The following DCBLD2 variants were observed in gnomAD, a reference collection of about 807,000 sequenced individuals.
The protein encoded by DCBLD2 is discoidin, CUB and LCCL domain-containing protein 2.
DCBLD2 carries 54 observed loss-of-function variants against 86.8 expected under a neutral mutation model. The observed-to-expected ratio is 0.62, with a 90% CI of 0.50 to 0.78. The LOEUF (loss-of-function observed/expected upper bound fraction) is 0.78, where lower values mean the gene tolerates loss of function less well. Ranked by LOEUF, DCBLD2 falls within the 30% of genes least tolerant of loss-of-function variation. The pLI, the probability that DCBLD2 is intolerant of heterozygous loss-of-function variation, is 0.00. For missense variants in DCBLD2, 908 were observed against 954.2 expected (o/e 0.95, Z 0.64); for synonymous variants, 354 against 341.3 (o/e 1.04, Z -0.41).
intron 5 of DCBLD2, 142 bp from the exon 6 acceptor site, chr3:98,822,503 AAC>A (rs1451690563): frequency 2.3e-6 from 3 of 1,288,252 alleles, no homozygotes; most frequent in Non-Finnish European, 3.2e-6. Context: ...TTGGTACTGT[AAC>A]ACAACAGTTT....
chr3:98,801,703 T>G lies in DCBLD2; in HGVS notation c.1671-54A>C, dbSNP rs566810194. On this transcript the variant is annotated intron_variant, in intron 13 of 15. Transcript: ENST00000326840. ...AACAGAGTAAATTCACTGGTAAGCC[T>G]GCTCCCCCTACCCCATGACAGGCCT... 42 of 1,387,050 alleles carry G rather than the reference T, an allele frequency of 3.0e-5. 1 individual carries two copies. In the African/African-American group the frequency reaches 4.7e-4, roughly 16 times the overall value. The allele number at this position is 1,387,050 out of a possible 1,614,324, so 85.9% of individuals were successfully genotyped here. A position where few individuals can be genotyped will look rare whatever the true frequency, so the allele number is the denominator to read the frequency against.
At chr3:98,844,272 C>T (rs562499435) in intron 3 of DCBLD2, among the ~76,000 whole-genome samples, 6 of 151,870 alleles carry the variant, frequency 4.0e-5, no homozygotes, top group Admixed American at 1.3e-4. Flanking sequence ...CTATAAAATT[C>T]ATTTTATTTT....
At chr3:98,892,791 C>G (rs1447722542) in intron 1 of DCBLD2, among the ~76,000 whole-genome samples, 2 of 152,076 alleles carry the variant, frequency 1.3e-5, no homozygotes, top group East Asian at 3.9e-4. Context: ...AAAGAATGTC[C>G]ACCTCACATC....
chr3:98,844,343 T>TTTATTATTATTATTATTATTA (rs10530611), intron 3 of DCBLD2, among the ~76,000 whole-genome samples: 1,652 of 145,892 alleles, frequency 0.011, 21 homozygotes, highest in African/African-American at 0.028. Context: ...GTCAGTAGCA[T>TTTATTATTATTATTATTATTA]TTATTATTAT....
chr3:98,849,474 A>G lies in DCBLD2; in HGVS notation c.558T>C (p.Val186=), dbSNP rs1003818686. 5 of 1,613,872 alleles carry G rather than the reference A, an allele frequency of 3.1e-6. No homozygotes were observed. Among genetic ancestry groups the G allele is most frequent in the African/African-American group, 1.3e-5 (1 of 74,932 alleles). Residue 186 remains valine (V), a synonymous_variant, in exon 3 of 16, where the codon GTT becomes GTC. Transcript: ENST00000326840. ...SGRGFLASYS[V]IDKQDLITCL... is the part of the protein sequence containing the mutation. ...GGTGAAAATTACCTTGTTTATCTAT[A>G]ACAGAGTATGAGGCCAAAAATCCGC...
chr3:98,817,330 G>A (rs1942040403), intron 9 of DCBLD2, among the ~76,000 whole-genome samples: 1 of 152,148 alleles, frequency 6.6e-6, no homozygotes, highest in South Asian at 2.1e-4. Context: ...ATCTTCAGAT[G>A]AATTTTCATC....
intron 3 of DCBLD2, among the ~76,000 whole-genome samples, chr3:98,846,682 CAA>C (rs35421717): frequency 0.061 from 9,308 of 152,106 alleles, 350 homozygotes; most frequent in Non-Finnish European, 0.071. Context: ...GTGGTTGTTT[CAA>C]AAATCTTTGG....
chr3:98,814,321 C>G (rs1941986763), intron 9 of DCBLD2: 1 of 152,172 alleles, frequency 6.6e-6, no homozygotes, highest in African/African-American at 2.4e-5. Context: ...ATTAGTGGAA[C>G]AGGGACGATA....
At chr3:98,886,800 ACCC>A (rs56817910) in intron 1 of DCBLD2, among the ~76,000 whole-genome samples, 8 of 123,712 alleles carry the variant, frequency 6.5e-5, no homozygotes, top group African/African-American at 1.1e-4. Flanking sequence ...TTACAGGAAA[ACCC>A]CCCCCCTTTT....
At chr3:98,890,691 C>A (rs1186447306) in intron 1 of DCBLD2, among the ~76,000 whole-genome samples, 1 of 152,044 alleles carries the variant, frequency 6.6e-6, no homozygotes, top group Non-Finnish European at 1.5e-5. Flanking sequence ...TCTCCCCTCC[C>A]TCCTTCTTAA....
At position 98,801,603 on chromosome 3, in the gene DCBLD2, C is replaced by A; in HGVS notation, c.1717G>T (p.Ala573Ser). Residue 573 changes from alanine (A) to serine (S), a missense_variant, in exon 14 of 16, where the codon GCA becomes TCA. Physicochemically the swap from Ala to Ser is moderately conservative, Grantham distance 99 (BLOSUM62 1). This residue lies in a region of DCBLD2 where 606 missense variants were observed against 678.5 expected (regional missense o/e 0.89). Coordinates refer to ENST00000326840, the MANE Select transcript of DCBLD2 (RefSeq NM_080927.4). The stretch of plus-strand genomic sequence containing the variant: ...ATGCAAAGACCACGTGAGTTACCTG[C>A]CCGGTCCCAGTAAGGTAAGTCATAG... ...GTYDLPYWDR[A>S]GWWKGMKQFL... The A allele has an allele frequency of 6.2e-7, 1 of 1,609,508 alleles. No homozygotes were observed. Among genetic ancestry groups the A allele is most frequent in the Non-Finnish European group, 8.5e-7 (1 of 1,177,602 alleles).
At chr3:98,837,781 C>T (rs1473685354) in intron 3 of DCBLD2, among the ~76,000 whole-genome samples, 3 of 119,408 alleles carry the variant, frequency 2.5e-5, no homozygotes, top group Admixed American at 7.5e-5. Flanking sequence ...GCAGAGGCGC[C>T]CCTCACCTCC....
chr3:98,822,373 G>A lies in DCBLD2; in HGVS notation c.697-12C>T. ...CACAATGGCGAGGACTTAAGGAAGG[G>A]AAAAGAAAAGATTCATTTTTAATTT... is the stretch of plus-strand genomic sequence containing the variant. On this transcript the variant is annotated splice_polypyrimidine_tract_variant and intron_variant, in intron 5 of 15. Coordinates refer to ENST00000326840, the MANE Select transcript of DCBLD2 (RefSeq NM_080927.4). 3 of 1,602,096 alleles carry A rather than the reference G, an allele frequency of 1.9e-6. No individual in the cohort carries two copies. Among genetic ancestry groups the A allele is most frequent in the Non-Finnish European group, 2.6e-6 (3 of 1,176,284 alleles).
chr3:98,814,749 T>TA (rs1342776134), intron 9 of DCBLD2: 2 of 152,200 alleles, frequency 1.3e-5, no homozygotes, highest in Admixed American at 6.5e-5. Flanking sequence ...CAGATGGACT[T>TA]ACATGAGCGG....
At chr3:98,855,840 A>G (rs1942922581) in intron 2 of DCBLD2, among the ~76,000 whole-genome samples, 2 of 152,214 alleles carry the variant, frequency 1.3e-5, no homozygotes, top group South Asian at 4.1e-4. Context: ...AAGGACTTTA[A>G]GAGTTATCTT....
chr3:98,858,376 T>C (rs1387170724), intron 2 of DCBLD2, among the ~76,000 whole-genome samples: 3 of 152,228 alleles, frequency 2.0e-5, no homozygotes, highest in Non-Finnish European at 4.4e-5. Context: ...GCTCCCACAG[T>C]GCAGCAGCAG....
intron 2 of DCBLD2, among the ~76,000 whole-genome samples, chr3:98,876,316 G>C (rs773336041): frequency 6.7e-6 from 1 of 149,996 alleles, no homozygotes; most frequent in Non-Finnish European, 1.5e-5. Context: ...GAGCCCAGGG[G>C]TTTGAGGCCA....
intron 1 of DCBLD2, among the ~76,000 whole-genome samples, chr3:98,882,919 T>C (rs1451281359): frequency 6.6e-6 from 1 of 152,214 alleles, no homozygotes; most frequent in Admixed American, 6.5e-5. Context: ...TGATTTATGA[T>C]CCTTTGGGTA....
chr3:98,889,822 AT>A (rs1202676441), intron 1 of DCBLD2, among the ~76,000 whole-genome samples: 1 of 152,008 alleles, frequency 6.6e-6, no homozygotes, highest in Non-Finnish European at 1.5e-5. Context: ...AAGACAACTG[AT>A]TTTGCCTTTT....
Sources: gnomAD v4.1 joint callset for allele counts (sites outside exome capture counted in the v4.1 genomes callset) on GRCh38, gnomAD v4.1.1 for gene constraint, gnomAD v4.1.1 regional missense constraint, MANE v1.5 for transcripts, NCBI Gene and HGNC (gene_info 2026-07-23, HGNC 2026-07-21) for gene names.